The following COL23A1 variants were observed in gnomAD, a reference collection of about 807,000 sequenced individuals.
COL23A1 encodes collagen type XXIII alpha 1 chain.
Under a neutral mutation model 99.3 loss-of-function variants are expected in COL23A1, and 97 were observed. The ratio of observed to expected loss-of-function variants is 0.98; its 90% CI spans 0.83 to 1.16. COL23A1 has a LOEUF of 1.16. Ranked by LOEUF, COL23A1 falls within the 50% of genes most tolerant of loss-of-function variation. The pLI, the probability that COL23A1 is intolerant of heterozygous loss-of-function variation, is 0.00. For missense variants in COL23A1, 762 were observed against 757.4 expected (o/e 1.01, Z -0.07); for synonymous variants, 320 against 308.2 (o/e 1.04, Z -0.40).
chr5:178,288,850 G>C (rs1263683103), intron 4 of COL23A1, among the ~76,000 whole-genome samples: 1 of 152,214 alleles, frequency 6.6e-6, no homozygotes, highest in Non-Finnish European at 1.5e-5. Flanking sequence ...CCAGACCCTG[G>C]AGCAGTGACC....
chr5:178,462,665 T>G (rs190182620), intron 2 of COL23A1, among the ~76,000 whole-genome samples: 52 of 152,330 alleles, frequency 3.4e-4, no homozygotes, highest in African/African-American at 1.2e-3. Flanking sequence ...TTTAACTTAA[T>G]TTTGACTCTG....
Position 178,246,769 on chromosome 5 carries a change from C to G in COL23A1, c.1297-316G>C, listed in dbSNP as rs1236682917. ...GGCCCAGCCACACAGCGGGAGGCAG[C>G]AGAGCTGGGTCCCCATCAGGCTTCT... On this transcript the variant is annotated intron_variant, in intron 22 of 28. Coordinates refer to ENST00000390654, the MANE Select transcript of COL23A1 (RefSeq NM_173465.4). 2.6e-5 allele frequency among the ~76,000 whole-genome samples: 4 copies of G among 152,226 alleles called. No homozygotes were observed. The East Asian group carries it at 5.8e-4, about 22-fold the overall frequency.
At chr5:178,585,963 C>T (rs1039732078) in intron 1 of COL23A1, among the ~76,000 whole-genome samples, 1 of 152,190 alleles carries the variant, frequency 6.6e-6, no homozygotes, top group African/African-American at 2.4e-5. Context: ...GAAAGTTTTC[C>T]CCTGAATTGA....
chr5:178,581,792 C>T (rs557718450), intron 1 of COL23A1, among the ~76,000 whole-genome samples: 9 of 151,994 alleles, frequency 5.9e-5, no homozygotes, highest in Non-Finnish European at 8.8e-5. Flanking sequence ...ATGGGATATA[C>T]GGTACAGTCA....
chr5:178,563,814 G>A (rs1037669775), intron 1 of COL23A1, among the ~76,000 whole-genome samples: 7 of 152,080 alleles, frequency 4.6e-5, no homozygotes, highest in African/African-American at 1.7e-4. Context: ...TACAGACGTT[G>A]AGTCACCGCG....
Position 178,590,054 on chromosome 5 carries a change from C to G in COL23A1, c.144G>C (p.Ala48=). 1 of 1,346,698 alleles carries G rather than the reference C, an allele frequency of 7.4e-7. No individual in the cohort carries two copies. 83.4% of individuals were successfully genotyped at this position (1,346,698 alleles called of 1,614,324 possible). The stretch of plus-strand genomic sequence containing the variant: ...GGACACCCAGCAGCAGGCAGGCAGC[C>G]GCCGAGCCCACGGAGAGCAGCAGGC... The part of the protein sequence containing the change: ...ALCLLLSVGS[A]AACLLLGVQA... The change falls in exon 1 of 29, where the codon GCG becomes GCC. Residue 48 remains alanine (A), a synonymous_variant. Transcript: ENST00000390654. The surrounding 1 kb of genome is among the most constrained non-coding windows in gnomAD (Gnocchi z 5.7).
intron 5 of COL23A1, among the ~76,000 whole-genome samples, chr5:178,279,850 C>G (rs1308002936): frequency 6.6e-6 from 1 of 152,232 alleles, no homozygotes; most frequent in Non-Finnish European, 1.5e-5. Context: ...CCCCTGACCC[C>G]CACCAGGCCA....
chr5:178,419,578 T>C (rs1490031529), intron 2 of COL23A1, among the ~76,000 whole-genome samples: 1 of 152,218 alleles, frequency 6.6e-6, no homozygotes, highest in Non-Finnish European at 1.5e-5. Flanking sequence ...TGGGCATCCC[T>C]ATGCCTCCCC....
intron 2 of COL23A1, among the ~76,000 whole-genome samples, chr5:178,372,856 G>A (rs185867554): frequency 2.6e-5 from 4 of 152,148 alleles, no homozygotes; most frequent in Non-Finnish European, 2.9e-5. Flanking sequence ...GATTACAGGC[G>A]TGAGCCACCG....
At chr5:178,288,537 G>A (rs892675093) in intron 4 of COL23A1, 187 bp from the exon 5 acceptor site, 7 of 659,678 alleles carry the variant, frequency 1.1e-5, no homozygotes, top group African/African-American at 1.8e-5. Flanking sequence ...TGCCTCAGAG[G>A]GCCAGGCTGG....
At chr5:178,444,358 T>A (rs1014944676) in intron 2 of COL23A1, among the ~76,000 whole-genome samples, 3 of 152,252 alleles carry the variant, frequency 2.0e-5, no homozygotes, top group Admixed American at 6.5e-5. Context: ...ATTTCTTTCA[T>A]ATTTGTTTTT....
Position 178,255,183 on chromosome 5 carries a change from C to A in COL23A1, c.883-157G>T, listed in dbSNP as rs572188975. Among the ~76,000 whole-genome samples, 7 of 151,840 alleles carry A rather than the reference C, an allele frequency of 4.6e-5. No individual in the cohort carries two copies. The highest frequency in any genetic ancestry group is 1.7e-4 in the African/African-American group (7 of 41,328). ...CCCTCCCCAGGGTGGATGGAGGGAACGGGAGGCAGGCCCTGTGGCCAGCTG... is the reference window on the plus strand; with the variant it reads ...CCCTCCCCAGGGTGGATGGAGGGAAAGGGAGGCAGGCCCTGTGGCCAGCTG... On this transcript the variant is annotated intron_variant, in intron 15 of 28. Transcript: ENST00000390654. The surrounding 1 kb of genome is among the most constrained non-coding windows in gnomAD (Gnocchi z 4.2).
intron 2 of COL23A1, among the ~76,000 whole-genome samples, chr5:178,546,630 C>A (rs1486025433): frequency 6.6e-6 from 1 of 152,270 alleles, no homozygotes. Context: ...TGAGGGTTCA[C>A]GAGGGCAGAG....
chr5:178,425,453 A>G (rs977354052), intron 2 of COL23A1, among the ~76,000 whole-genome samples: 5 of 151,418 alleles, frequency 3.3e-5, no homozygotes, highest in Admixed American at 1.3e-4. Flanking sequence ...AAATAAATAA[A>G]TAAATAAATA....
intron 3 of COL23A1, among the ~76,000 whole-genome samples, chr5:178,302,843 G>A (rs1460486708): frequency 6.6e-6 from 1 of 152,234 alleles, no homozygotes; most frequent in Non-Finnish European, 1.5e-5. Flanking sequence ...GTCACTTAAA[G>A]ACAAGCCTTG....
intron 3 of COL23A1, among the ~76,000 whole-genome samples, chr5:178,305,274 G>C (rs1322984336): frequency 1.3e-5 from 2 of 151,634 alleles, no homozygotes; most frequent in East Asian, 1.9e-4. Flanking sequence ...GCGCTAAGGA[G>C]TGTATCTGGA....
chr5:178,389,027 G>A (rs551160525), intron 2 of COL23A1, among the ~76,000 whole-genome samples: 1 of 152,228 alleles, frequency 6.6e-6, no homozygotes, highest in South Asian at 2.1e-4. Context: ...CTAACTAAAG[G>A]CTAAAATTTA....
At chr5:178,264,717 C>T (rs979345958) in intron 8 of COL23A1, among the ~76,000 whole-genome samples, 14 of 152,276 alleles carry the variant, frequency 9.2e-5, no homozygotes, top group African/African-American at 3.4e-4. Context: ...AGTGCAGTGG[C>T]GCAATCTTGG....
intron 2 of COL23A1, among the ~76,000 whole-genome samples, chr5:178,400,544 G>C (rs1341338523): frequency 6.6e-6 from 1 of 152,058 alleles, no homozygotes; most frequent in East Asian, 1.9e-4. Flanking sequence ...TGGTAAGATA[G>C]ACATAACATA....
Sources: allele counts gnomAD v4.1 joint callset (sites outside exome capture counted in the v4.1 genomes callset), GRCh38; gene constraint gnomAD v4.1.1; non-coding constraint Gnocchi (gnomAD v3.1); transcripts MANE v1.5; gene names NCBI Gene and HGNC (gene_info 2026-07-23, HGNC 2026-07-21).